The following SH3RF1 variants were observed in gnomAD, a reference collection of about 807,000 sequenced individuals.
The protein encoded by SH3RF1 is SH3 domain containing ring finger 1, also known as E3 ubiquitin-protein ligase SH3RF1.
Under a neutral mutation model 74.0 loss-of-function variants are expected in SH3RF1, and 32 were observed. The observed-to-expected ratio is 0.43, with a 90% CI of 0.33 to 0.58. The LOEUF is 0.58. Ranked by LOEUF, SH3RF1 falls within the 20% of genes least tolerant of loss-of-function variation. The probability of loss-of-function intolerance (pLI) is 0.05; values close to 1 mark genes in which losing one functional copy is unlikely to be tolerated. For missense variants in SH3RF1, 954 were observed against 1,130.9 expected, an observed-to-expected ratio of 0.84 and a Z score of 2.24; for synonymous variants, 396 against 439.6, an observed-to-expected ratio of 0.90 and a Z score of 1.24.
chr4:169,172,167 T>C (rs566327900), intron 2 of SH3RF1, among the ~76,000 whole-genome samples: 1 of 152,338 alleles, frequency 6.6e-6, no homozygotes, highest in South Asian at 2.1e-4. Flanking sequence ...AAACATATTA[T>C]TGAAGGCTTG....
At chr4:169,119,447 T>C (rs980646914) in intron 8 of SH3RF1, among the ~76,000 whole-genome samples, 2 of 152,034 alleles carry the variant, frequency 1.3e-5, no homozygotes, top group Non-Finnish European at 2.9e-5. Context: ...GAGAGACTTC[T>C]AATAATTGGT....
chr4:169,104,332 A>T (rs1733095114), intron 11 of SH3RF1, among the ~76,000 whole-genome samples: 1 of 152,220 alleles, frequency 6.6e-6, no homozygotes, highest in Non-Finnish European at 1.5e-5. Flanking sequence ...ACCAAGAGAA[A>T]GCAAACAAGT....
intron 2 of SH3RF1, among the ~76,000 whole-genome samples, chr4:169,214,402 T>C (rs1579142220): frequency 1.3e-5 from 2 of 152,208 alleles, no homozygotes; most frequent in African/African-American, 4.8e-5. Flanking sequence ...TTTTTCTTTA[T>C]AAATTACCCA....
At chr4:169,240,210 T>G (rs886273626) in intron 2 of SH3RF1, among the ~76,000 whole-genome samples, 2 of 152,056 alleles carry the variant, frequency 1.3e-5, no homozygotes, top group African/African-American at 4.8e-5. Flanking sequence ...TTTTTCTTTT[T>G]TTTTGAGACA....
At chr4:169,196,674 C>T (rs972748081) in intron 2 of SH3RF1, among the ~76,000 whole-genome samples, 1 of 152,076 alleles carries the variant, frequency 6.6e-6, no homozygotes, top group African/African-American at 2.4e-5. Flanking sequence ...ATGTTATAAC[C>T]TCTCCAATGC....
intron 2 of SH3RF1, among the ~76,000 whole-genome samples, chr4:169,235,240 A>C (rs1054572665): frequency 6.6e-6 from 1 of 152,216 alleles, no homozygotes. Flanking sequence ...TAGCTTACAT[A>C]ACAACACAGT....
chr4:169,230,317 C>A (rs1440133723), intron 2 of SH3RF1, among the ~76,000 whole-genome samples: 1 of 152,202 alleles, frequency 6.6e-6, no homozygotes, highest in Non-Finnish European at 1.5e-5. Flanking sequence ...AAAATACTGA[C>A]CCTCAAATAG....
At chr4:169,262,780 TA>T (rs906469531) in intron 2 of SH3RF1, among the ~76,000 whole-genome samples, 1 of 152,178 alleles carries the variant, frequency 6.6e-6, no homozygotes, top group Non-Finnish European at 1.5e-5. Context: ...ATTACTTTTT[TA>T]AAAAAATTAT....
At chr4:169,126,850 C>G (rs1325815792) in intron 6 of SH3RF1, among the ~76,000 whole-genome samples, 1 of 152,194 alleles carries the variant, frequency 6.6e-6, no homozygotes, top group Non-Finnish European at 1.5e-5. Context: ...CTCAGGCTCC[C>G]AAAGTGCTGG....
intron 7 of SH3RF1, 69 bp from the exon 8 acceptor site, chr4:169,121,058 C>T (rs1230922252): frequency 4.6e-6 from 6 of 1,306,438 alleles, no homozygotes; most frequent in Non-Finnish European, 6.6e-6. Flanking sequence ...CAAAATTCTT[C>T]CTTGGTACAA....
intron 5 of SH3RF1, among the ~76,000 whole-genome samples, chr4:169,133,419 G>A (rs1733649061): frequency 6.6e-6 from 1 of 151,606 alleles, no homozygotes; most frequent in Non-Finnish European, 1.5e-5. Context: ...AGGTTGCAGT[G>A]AGCCAAGATT....
At chr4:169,138,778 A>G (rs1400372781) in intron 4 of SH3RF1, among the ~76,000 whole-genome samples, 1 of 152,116 alleles carries the variant, frequency 6.6e-6, no homozygotes, top group Non-Finnish European at 1.5e-5. Flanking sequence ...TATATTCAAC[A>G]TTGTGTTAGT....
chr4:169,250,848 A>G (rs1731092738), intron 2 of SH3RF1, among the ~76,000 whole-genome samples: 1 of 152,204 alleles, frequency 6.6e-6, no homozygotes, highest in Non-Finnish European at 1.5e-5. Flanking sequence ...GACCCTTATA[A>G]GGAAGAGACA....
Position 169,105,996 on chromosome 4 carries a change from A to AT in SH3RF1, c.2498+850dup, listed in dbSNP as rs78536541. Among the ~76,000 whole-genome samples, 7 of 147,006 alleles carry AT rather than the reference A, an allele frequency of 4.8e-5. No homozygotes were observed. In the South Asian group the frequency reaches 1.3e-3, roughly 28 times the overall value. ...CATAAACTTTCTTAAAATATTGTGA[A>AT]TTTTTTTTGCAATTTTTTTTTAGCT... On this transcript the variant is annotated intron_variant, in intron 11 of 11. Transcript: ENST00000284637.
intron 2 of SH3RF1, among the ~76,000 whole-genome samples, chr4:169,170,536 A>T (rs1355308559): frequency 6.6e-6 from 1 of 152,176 alleles, no homozygotes; most frequent in Admixed American, 6.5e-5. Flanking sequence ...TTGTTTAACT[A>T]AATTTTTTTT....
chr4:169,186,673 C>A (rs963505023), intron 2 of SH3RF1, among the ~76,000 whole-genome samples: 1 of 150,356 alleles, frequency 6.7e-6, no homozygotes, highest in African/African-American at 2.4e-5. Flanking sequence ...AATAAGGAAT[C>A]TCTCCTTTAA....
intron 2 of SH3RF1, among the ~76,000 whole-genome samples, chr4:169,237,561 C>T (rs1406605410): frequency 6.6e-6 from 1 of 152,090 alleles, no homozygotes; most frequent in Non-Finnish European, 1.5e-5. Flanking sequence ...ACATTGACCA[C>T]CAGCATGCTA....
intron 2 of SH3RF1, among the ~76,000 whole-genome samples, chr4:169,223,446 G>A (rs1730601332): frequency 6.6e-6 from 1 of 152,146 alleles, no homozygotes; most frequent in African/African-American, 2.4e-5. Context: ...AGTACACTAT[G>A]GATAGTTAAG....
At chr4:169,192,819 GAT>G (rs1366148013) in intron 2 of SH3RF1, among the ~76,000 whole-genome samples, 9 of 146,990 alleles carry the variant, frequency 6.1e-5, no homozygotes, top group South Asian at 2.1e-4. Flanking sequence ...ATATATATGT[GAT>G]ATATATATCA....
Sources: allele counts gnomAD v4.1 joint callset (sites outside exome capture counted in the v4.1 genomes callset), GRCh38; gene constraint gnomAD v4.1.1; transcripts MANE v1.5; gene names NCBI Gene and HGNC (gene_info 2026-07-23, HGNC 2026-07-21).